DGKB: variants seen among roughly 807,000 people sequenced by gnomAD.
DGKB encodes the protein 90 kDa diacylglycerol kinase.
DGKB carries 67 observed loss-of-function variants against 114.3 expected under a neutral mutation model. The ratio of observed to expected loss-of-function variants is 0.59; its 90% CI spans 0.48 to 0.72. The LOEUF (loss-of-function observed/expected upper bound fraction) is 0.72. Among genes scored for constraint, DGKB ranks in the 30% least tolerant of loss-of-function variants. The probability of loss-of-function intolerance (pLI) is 0.00; values close to 1 mark genes in which losing one functional copy is unlikely to be tolerated. For synonymous variants in DGKB, 398 were observed against 323.1 expected (o/e 1.23, Z -2.49); for missense variants, 907 against 975.2 (o/e 0.93, Z 0.93).
chr7:14,154,177 CTT>C (rs5882429), intron 25 of DGKB, among the ~76,000 whole-genome samples: 15,710 of 128,338 alleles, frequency 0.12, 1,745 homozygotes, highest in African/African-American at 0.3. Flanking sequence ...AGAGTTTTGT[CTT>C]TTTTTTTTTT....
At chr7:14,428,589 T>G (rs546107260) in intron 21 of DGKB, among the ~76,000 whole-genome samples, 2 of 152,316 alleles carry the variant, frequency 1.3e-5, no homozygotes, top group Non-Finnish European at 2.9e-5. Context: ...GTATAGAGCC[T>G]ATACTTGTTC....
At chr7:14,934,016 T>C (rs1335664318) in intron 1 of DGKB, among the ~76,000 whole-genome samples, 2 of 152,008 alleles carry the variant, frequency 1.3e-5, no homozygotes, top group Non-Finnish European at 2.9e-5. Context: ...CAGTGAAAAA[T>C]TTTTTCCATA....
chr7:14,477,890 T>C (rs1211958130), intron 21 of DGKB, among the ~76,000 whole-genome samples: 1 of 152,110 alleles, frequency 6.6e-6, no homozygotes, highest in Non-Finnish European at 1.5e-5. Flanking sequence ...CTTAAAACTA[T>C]TAATTTCATG....
At chr7:14,287,524 T>C (rs1280834963) in intron 23 of DGKB, among the ~76,000 whole-genome samples, 1 of 152,206 alleles carries the variant, frequency 6.6e-6, no homozygotes, top group African/African-American at 2.4e-5. Flanking sequence ...TATTTTCCTA[T>C]AGTTGTCTTT....
At chr7:14,787,219 G>C (rs147063719) in intron 2 of DGKB, among the ~76,000 whole-genome samples, 1 of 152,042 alleles carries the variant, frequency 6.6e-6, no homozygotes, top group Non-Finnish European at 1.5e-5. Flanking sequence ...ATTTTATAGC[G>C]GAGTGTGGGG....
chr7:14,279,622 C>A, intron 23 of DGKB, among the ~76,000 whole-genome samples: 1 of 152,172 alleles, frequency 6.6e-6, no homozygotes, highest in East Asian at 1.9e-4. Context: ...CTGAGAGATC[C>A]GCTGTTAGTC....
Position 14,351,570 on chromosome 7 carries a change from C to T in DGKB, c.1836-6179G>A, listed in dbSNP as rs116468684. 6.4e-3 allele frequency among the ~76,000 whole-genome samples: 974 copies of T among 152,136 alleles called. 10 individuals are homozygous for T. The highest frequency in any genetic ancestry group is 0.022 in the African/African-American group (897 of 41,490). Reference sequence around the variant, plus strand: ...TATTTGTTAGGAACTAAGTCCTGGCCCAGTTGAATAAAATCAGCAATTTAT... The same window carrying T: ...TATTTGTTAGGAACTAAGTCCTGGCTCAGTTGAATAAAATCAGCAATTTAT... On this transcript the variant is annotated intron_variant, in intron 21 of 25. Transcript: ENST00000402815.
Position 14,620,471 on chromosome 7 carries a change from A to G in DGKB, c.1284+907T>C, listed in dbSNP as rs932789973. On this transcript the variant is annotated intron_variant, in intron 15 of 25. Transcript: ENST00000402815. Reference sequence around the variant, plus strand: ...AAAGACATAATCTATAGTATCAGAAATAAAATAAGAAATAAAAAAAGATGA... The same window carrying G: ...AAAGACATAATCTATAGTATCAGAAGTAAAATAAGAAATAAAAAAAGATGA... 1.7e-4 allele frequency among the ~76,000 whole-genome samples: 26 copies of G among 151,814 alleles called. 1 individual carries two copies. The South Asian group carries it at 5.4e-3, about 31-fold the overall frequency.
intron 23 of DGKB, among the ~76,000 whole-genome samples, chr7:14,274,942 A>AGTGTGTGTGTGTGTGT (rs10538591): frequency 1.4e-5 from 2 of 146,400 alleles, no homozygotes; most frequent in African/African-American, 5.0e-5. Flanking sequence ...AGTCCATAGC[A>AGTGTGTGTGTGTGTGT]GTGTGTGTGT....
rs1323314007 is a variant in DGKB at position 14,471,773 on chromosome 7, A to T, written c.1835+6388T>A. Among the ~76,000 whole-genome samples, 3 of 152,118 alleles carry T rather than the reference A, an allele frequency of 2.0e-5. No homozygotes were observed. In the South Asian group the frequency reaches 6.2e-4, roughly 31 times the overall value. On this transcript the variant is annotated intron_variant, in intron 21 of 25. Transcript: ENST00000402815. The stretch of plus-strand genomic sequence containing the variant: ...AAAAGCATAAACTATAAAGGTAGTA[A>T]GATATATAGAAAAATATAGAGAAGA...
chr7:14,365,971 T>C (rs191356901), intron 21 of DGKB, among the ~76,000 whole-genome samples: 6 of 152,214 alleles, frequency 3.9e-5, no homozygotes, highest in African/African-American at 1.4e-4. Context: ...ATGATATATA[T>C]GTGCAGAAAT....
chr7:14,669,192 A>C (rs1309208225), intron 13 of DGKB, among the ~76,000 whole-genome samples: 4 of 152,154 alleles, frequency 2.6e-5, no homozygotes, highest in Admixed American at 1.3e-4. Flanking sequence ...CCTCAACACT[A>C]CACAGATTGT....
At chr7:14,649,087 G>C (rs1320956007) in intron 13 of DGKB, among the ~76,000 whole-genome samples, 1 of 73,058 alleles carries the variant, frequency 1.4e-5, no homozygotes, top group African/African-American at 5.4e-5. Flanking sequence ...TATTATCCAG[G>C]AGAACTTCCC....
At chr7:14,927,890 G>T (rs150128880) in intron 1 of DGKB, among the ~76,000 whole-genome samples, 3 of 151,690 alleles carry the variant, frequency 2.0e-5, no homozygotes, top group Non-Finnish European at 3.0e-5. Context: ...TGAGATCTCA[G>T]TTAAGATTCA....
At chr7:14,212,200 ACTCTCGTGTTTTGTGAT>A (rs1190517810) in intron 23 of DGKB, among the ~76,000 whole-genome samples, 1 of 6,314 alleles carries the variant, frequency 1.6e-4, no homozygotes, top group Non-Finnish European at 2.3e-4. Flanking sequence ...TTGTGATTTT[ACTCTCGTGTTTTGTGAT>A]TTTACTCTCA....
chr7:14,800,799 A>C (rs1195338430), intron 2 of DGKB, among the ~76,000 whole-genome samples: 1 of 152,160 alleles, frequency 6.6e-6, no homozygotes, highest in Non-Finnish European at 1.5e-5. Context: ...ATGTTGGCTT[A>C]GTATTACCAT....
In DGKB at chr7:14,729,675, C is replaced by T. The variant is rs75085532; in HGVS notation, c.322+6366G>A. Among the ~76,000 whole-genome samples, 342 of 152,282 alleles carry T rather than the reference C, an allele frequency of 2.2e-3. 2 individuals carry two copies. Among genetic ancestry groups the T allele is most frequent in the African/African-American group, 7.7e-3 (318 of 41,548 alleles). The stretch of plus-strand genomic sequence containing the variant: ...ACTGGATGACTCCTGCAACGGTTCA[C>T]CTCCTCTTTTCCTCTAGTTTTATTT... On this transcript the variant is annotated intron_variant, in intron 5 of 25. Transcript: ENST00000402815.
In DGKB at chr7:14,304,083, A is replaced by ACTCT. The variant is rs1213674860; in HGVS notation, c.2122+34431_2122+34432insAGAG. Among the ~76,000 whole-genome samples, 16 of 39,216 alleles carry ACTCT rather than the reference A, an allele frequency of 4.1e-4. No individual in the cohort carries two copies. In the East Asian group the frequency reaches 4.8e-3, roughly 12 times the overall value. The allele number at this position is 39,216 out of a possible 152,430, so 25.7% of individuals were successfully genotyped here. A position where few individuals can be genotyped will look rare whatever the true frequency, so the allele number is the denominator to read the frequency against. On this transcript the variant is annotated intron_variant, in intron 23 of 25. Transcript: ENST00000402815. The stretch of plus-strand genomic sequence containing the variant: ...CACACACACACACACACACACACAC[A>ACTCT]CACACTCTCTCTCTCTCACCCCTAC...
chr7:14,880,127 C>T (rs921402585), intron 1 of DGKB, among the ~76,000 whole-genome samples: 3 of 151,998 alleles, frequency 2.0e-5, no homozygotes, highest in Non-Finnish European at 4.4e-5. Context: ...AAAAGTGGAT[C>T]CAGCCAGAGG....
Sources: gnomAD v4.1 joint callset for allele counts (sites outside exome capture counted in the v4.1 genomes callset) on GRCh38, gnomAD v4.1.1 for gene constraint, MANE v1.5 for transcripts, NCBI Gene and HGNC (gene_info 2026-07-23, HGNC 2026-07-21) for gene names.